The following TBC1D19 variants were observed in gnomAD, a reference collection of about 807,000 sequenced individuals.
TBC1D19 encodes the protein TBC1 domain family member 19.
TBC1D19 carries 60 observed loss-of-function variants against 89.0 expected under a neutral mutation model. That is an observed-to-expected ratio of 0.67 (90% CI 0.55 to 0.84). The LOEUF (loss-of-function observed/expected upper bound fraction) is 0.84. Ranked by LOEUF, TBC1D19 falls within the 40% of genes least tolerant of loss-of-function variation. TBC1D19 has a pLI of 0.00. For synonymous variants in TBC1D19, 189 were observed against 199.7 expected (o/e 0.95, Z 0.45); for missense variants, 500 against 610.8 (o/e 0.82, Z 1.91).
At chr4:26,775,190 A>T in the TBC1D19 span, among the ~76,000 whole-genome samples, 1 of 152,194 alleles carries the variant, frequency 6.6e-6, no homozygotes, top group African/African-American at 2.4e-5. Flanking sequence ...AGTGGCTTAC[A>T]CCTGTAATCC....
At chr4:26,703,133 A>T (rs1225521933) in intron 13 of TBC1D19, among the ~76,000 whole-genome samples, 1 of 152,178 alleles carries the variant, frequency 6.6e-6, no homozygotes, top group Non-Finnish European at 1.5e-5. Context: ...CTCTATCCCC[A>T]TAACATAAAT....
chr4:26,678,301 G>A (rs558919609), intron 11 of TBC1D19, among the ~76,000 whole-genome samples: 66 of 152,270 alleles, frequency 4.3e-4, no homozygotes, highest in African/African-American at 1.4e-3. Context: ...TGTAACTTTC[G>A]TCAGTCGAGA....
intron 3 of TBC1D19, among the ~76,000 whole-genome samples, chr4:26,618,108 C>T (rs1372962580): frequency 6.6e-6 from 1 of 152,188 alleles, no homozygotes; most frequent in Non-Finnish European, 1.5e-5. Context: ...TGAAATGCTA[C>T]TGTATGTTTG....
chr4:26,708,833 A>G (rs1349104004), intron 13 of TBC1D19, among the ~76,000 whole-genome samples: 2 of 151,856 alleles, frequency 1.3e-5, no homozygotes, highest in East Asian at 1.9e-4. Context: ...TTGGTTTGCT[A>G]TCTCTTTATT....
At chr4:26,718,777 T>G (rs1716802153) in intron 14 of TBC1D19, among the ~76,000 whole-genome samples, 1 of 152,072 alleles carries the variant, frequency 6.6e-6, no homozygotes, top group Admixed American at 6.6e-5. Context: ...ATGGAAACCT[T>G]TTGTTTGTTT....
intron 2 of TBC1D19, among the ~76,000 whole-genome samples, chr4:26,613,575 A>G (rs1224051071): frequency 2.6e-5 from 4 of 152,156 alleles, no homozygotes; most frequent in Non-Finnish European, 4.4e-5. Flanking sequence ...TGTGAAAACT[A>G]TGGCCAAATA....
chr4:26,610,656 T>C (rs1245094651), intron 1 of TBC1D19, among the ~76,000 whole-genome samples: 3 of 152,006 alleles, frequency 2.0e-5, no homozygotes, highest in Non-Finnish European at 2.9e-5. Context: ...TTTGTGTCCA[T>C]GTGTACTCAA....
intron 4 of TBC1D19, among the ~76,000 whole-genome samples, chr4:26,630,462 T>C (rs1321248078): frequency 2.0e-5 from 3 of 152,196 alleles, no homozygotes; most frequent in Non-Finnish European, 4.4e-5. Context: ...TAAATGTACA[T>C]TGAAATTATT....
chr4:26,626,313 T>C lies in TBC1D19; in HGVS notation c.294+5625T>C, dbSNP rs1201866862. On this transcript the variant is annotated intron_variant, in intron 4 of 20. Coordinates refer to ENST00000264866, the MANE Select transcript of TBC1D19 (RefSeq NM_018317.4). ...CCATGTAAAATACCTTGGGAAATAC[T>C]TTGCTACGCCCTTCAGTGAAAGCTG... 2.6e-5 allele frequency among the ~76,000 whole-genome samples: 4 copies of C among 152,134 alleles called. No homozygotes were observed. In the East Asian group the frequency reaches 7.7e-4, roughly 29 times the overall value.
At chr4:26,644,243 T>A (rs545392423) in intron 7 of TBC1D19, among the ~76,000 whole-genome samples, 1 of 152,244 alleles carries the variant, frequency 6.6e-6, no homozygotes, top group South Asian at 2.1e-4. Flanking sequence ...GTCGGTTTCA[T>A]CCCTGGGATG....
intron 19 of TBC1D19, among the ~76,000 whole-genome samples, chr4:26,749,782 A>G (rs528721679): frequency 1.3e-5 from 2 of 152,200 alleles, no homozygotes; most frequent in African/African-American, 4.8e-5. Context: ...GTCTATAGTT[A>G]TAGTTACTGG....
intron 4 of TBC1D19, among the ~76,000 whole-genome samples, chr4:26,626,962 A>G: frequency 6.6e-6 from 1 of 150,596 alleles, no homozygotes; most frequent in Non-Finnish European, 1.5e-5. Context: ...ATATGTATAC[A>G]TGTGCCATGC....
chr4:26,739,755 G>A, intron 16 of TBC1D19, 109 bp from the exon 17 acceptor site: 1 of 554,000 alleles, frequency 1.8e-6, no homozygotes, highest in East Asian at 3.4e-5. Context: ...AACTTGTCTG[G>A]TGGTGTATAT....
chr4:26,599,452 T>C (rs1351449702), intron 1 of TBC1D19, among the ~76,000 whole-genome samples: 2 of 152,194 alleles, frequency 1.3e-5, no homozygotes, highest in African/African-American at 4.8e-5. Context: ...TCACACAGAA[T>C]ATTTCACAGC....
chr4:26,842,841 C>G, the TBC1D19 span, among the ~76,000 whole-genome samples: 1 of 151,814 alleles, frequency 6.6e-6, no homozygotes, highest in Non-Finnish European at 1.5e-5. Flanking sequence ...AATATCATCT[C>G]GACACACATT....
chr4:26,639,780 T>C (rs564589499), intron 6 of TBC1D19, among the ~76,000 whole-genome samples: 44 of 152,322 alleles, frequency 2.9e-4, no homozygotes, highest in African/African-American at 9.4e-4. Context: ...AAAGGGGGAA[T>C]AGTTTAATAC....
the TBC1D19 span, among the ~76,000 whole-genome samples, chr4:26,844,396 C>T: frequency 7.2e-5 from 11 of 152,274 alleles, no homozygotes; most frequent in Admixed American, 1.3e-4. Context: ...TGAATATTAT[C>T]GGGAAAATGA....
the TBC1D19 span, chr4:26,858,849 C>G: frequency 8.5e-5 from 13 of 152,164 alleles, no homozygotes; most frequent in Admixed American, 2.6e-4. Flanking sequence ...GTCCAATACA[C>G]TCTCAATGTC....
At chr4:26,649,955 A>G (rs1439316604) in intron 7 of TBC1D19, among the ~76,000 whole-genome samples, 4 of 58,198 alleles carry the variant, frequency 6.9e-5, no homozygotes, top group South Asian at 1.6e-3. Context: ...GAGTGAGAAC[A>G]TGCGGTGTTT....
Sources: allele counts gnomAD v4.1 joint callset (sites outside exome capture counted in the v4.1 genomes callset), GRCh38; gene constraint gnomAD v4.1.1; transcripts MANE v1.5; gene names NCBI Gene and HGNC (gene_info 2026-07-23, HGNC 2026-07-21).